The following SLTM variants were observed in gnomAD, a reference collection of about 807,000 sequenced individuals.
SLTM encodes SAFB like transcription modulator, also known as SAFB-like transcription modulator.
A neutral mutation model predicts 134.6 loss-of-function variants in SLTM; 43 were observed. The ratio of observed to expected loss-of-function variants is 0.32; its 90% CI spans 0.25 to 0.41. The LOEUF (loss-of-function observed/expected upper bound fraction) is 0.41. Among genes scored for constraint, SLTM ranks in the 10% least tolerant of loss-of-function variants. The pLI, the probability that SLTM is intolerant of heterozygous loss-of-function variation, is 1.00. For missense variants in SLTM, 1,055 were observed against 1,288.8 expected, an observed-to-expected ratio of 0.82 and a Z score of 2.78; for synonymous variants, 424 against 432.3, an observed-to-expected ratio of 0.98 and a Z score of 0.24.
At chr15:58,886,636 T>G (rs1438620246) in intron 19 of SLTM, among the ~76,000 whole-genome samples, 1 of 152,254 alleles carries the variant, frequency 6.6e-6, no homozygotes. Context: ...AGATGCAGTT[T>G]GAAAGCCTCA....
At chr15:58,880,259 A>G (rs1274844099) in intron 20 of SLTM, 152 bp from the exon 21 acceptor site, 1 of 1,030,336 alleles carries the variant, frequency 9.7e-7, no homozygotes, top group Non-Finnish European at 1.3e-6. Context: ...ACCCCACTTT[A>G]CTGAAGAAAC....
At chr15:58,911,895 G>A (rs968285341) in intron 5 of SLTM, among the ~76,000 whole-genome samples, 9 of 151,984 alleles carry the variant, frequency 5.9e-5, no homozygotes, top group Admixed American at 2.6e-4. Context: ...ATAAAGCTTT[G>A]AAAAGGATAT....
intron 5 of SLTM, among the ~76,000 whole-genome samples, chr15:58,909,766 A>C (rs1261229356): frequency 6.6e-6 from 1 of 152,224 alleles, no homozygotes; most frequent in East Asian, 1.9e-4. Context: ...CAAAAAATAC[A>C]ATAAACAAAG....
At chr15:58,906,154 C>A (rs1319469527) in intron 5 of SLTM, among the ~76,000 whole-genome samples, 6 of 152,168 alleles carry the variant, frequency 3.9e-5, no homozygotes, top group Non-Finnish European at 8.8e-5. Context: ...GGAAACTTTC[C>A]CTGTCTAAAT....
intron 5 of SLTM, among the ~76,000 whole-genome samples, chr15:58,906,586 T>C (rs1266670841): frequency 1.3e-5 from 2 of 152,242 alleles, no homozygotes; most frequent in Admixed American, 6.5e-5. Flanking sequence ...TCTGTACATG[T>C]ATAGGCTAAG....
intron 3 of SLTM, among the ~76,000 whole-genome samples, chr15:58,914,302 T>C (rs1282480080): frequency 6.6e-6 from 1 of 152,226 alleles, no homozygotes; most frequent in Admixed American, 6.5e-5. Context: ...CTGCTTAATT[T>C]CCTGATTAAA....
intron 5 of SLTM, among the ~76,000 whole-genome samples, chr15:58,908,953 A>G (rs568136669): frequency 4.2e-4 from 64 of 152,378 alleles, no homozygotes; most frequent in African/African-American, 1.4e-3. Flanking sequence ...TTGAAGGTCT[A>G]TTTTATCTTA....
chr15:58,903,120 T>G (rs563793533), intron 5 of SLTM, among the ~76,000 whole-genome samples: 1 of 152,048 alleles, frequency 6.6e-6, no homozygotes, highest in Admixed American at 6.5e-5. Flanking sequence ...CAAGACAGTC[T>G]CGATCTCCTG....
At chr15:58,925,607 G>C (rs1406168678) in intron 2 of SLTM, among the ~76,000 whole-genome samples, 6 of 152,194 alleles carry the variant, frequency 3.9e-5, no homozygotes, top group South Asian at 4.2e-4. Flanking sequence ...CAAAGTGCTG[G>C]GTTTACAAGA....
rs536325465 is a variant in SLTM, at chr15:58,919,814, C to T, written c.251-2815G>A. ...AAAAATTTCAGTTGATTTGTCCAAG[C>T]ACCCTATGATGGTACATAGGTCCAT... On this transcript the variant is annotated intron_variant, in intron 2 of 20. Coordinates refer to ENST00000380516, the MANE Select transcript of SLTM (RefSeq NM_024755.4). 6.6e-5 allele frequency among the ~76,000 whole-genome samples: 10 copies of T among 152,208 alleles called. No homozygotes were observed. In the South Asian group the frequency reaches 2.1e-3, roughly 32 times the overall value.
chr15:58,904,385 GACTA>G (rs771869331), intron 5 of SLTM, among the ~76,000 whole-genome samples: 24 of 152,180 alleles, frequency 1.6e-4, no homozygotes, highest in South Asian at 8.3e-4. Flanking sequence ...ATTAGGGAAT[GACTA>G]ACTATTTTAC....
At position 58,880,539 on chromosome 15, in the gene SLTM, C is replaced by A. The variant is rs115613375; in HGVS notation, c.2997-432G>T. ...AGGGTGGGACTCCCAGCAACCTGTG[C>A]TTTTCTTTGTTTGTTCTTTTAAATA... On this transcript the variant is annotated intron_variant, in intron 20 of 20. Coordinates refer to ENST00000380516, the MANE Select transcript of SLTM (RefSeq NM_024755.4). Among the ~76,000 whole-genome samples, 1,380 of 152,086 alleles carry A rather than the reference C, an allele frequency of 9.1e-3. 30 individuals are homozygous for A. Among genetic ancestry groups the A allele is most frequent in the African/African-American group, 0.031 (1,285 of 41,478 alleles).
Position 58,883,321 on chromosome 15 carries a change from C to CA in SLTM, c.2996+304dup, listed in dbSNP as rs1405951624. 1.3e-5 allele frequency among the ~76,000 whole-genome samples: 2 copies of CA among 152,030 alleles called. 1 individual carries two copies. The highest frequency in any genetic ancestry group is 1.3e-4 in the Admixed American group (2 of 15,262). On this transcript the variant is annotated intron_variant, in intron 20 of 20. Coordinates refer to ENST00000380516, the MANE Select transcript of SLTM (RefSeq NM_024755.4). ...CAGAGTGAGACTCCATCTCAAAAAA[C>CA]AAAAAACAAAACAAAACAAAAGAAT...
chr15:58,923,797 AC>A (rs2037265983), intron 2 of SLTM, among the ~76,000 whole-genome samples: 2 of 137,974 alleles, frequency 1.4e-5, no homozygotes, highest in East Asian at 4.4e-4. Context: ...TTGAAGCCAA[AC>A]CTTTTTTTTT....
chr15:58,881,571 A>G lies in SLTM; in HGVS notation c.2997-1464T>C, dbSNP rs79511480. Among the ~76,000 whole-genome samples, 610 of 152,088 alleles carry G rather than the reference A, an allele frequency of 4.0e-3. 7 individuals are homozygous for G. Among genetic ancestry groups the G allele is most frequent in the Non-Finnish European group, 5.0e-3 (339 of 67,986 alleles). ...GAAATGGTTCAGGCAGAATAAAACT[A>G]GATTATAAGGGCCAGGCTGAGGAAT... On this transcript the variant is annotated intron_variant, in intron 20 of 20. Transcript: ENST00000380516.
chr15:58,889,885 T>A, intron 15 of SLTM: 1 of 344,694 alleles, frequency 2.9e-6, no homozygotes, highest in Non-Finnish European at 5.3e-6. Context: ...CTTAAAACCC[T>A]GAGGTGCAAT....
chr15:58,917,366 C>A (rs1238676505), intron 2 of SLTM, among the ~76,000 whole-genome samples: 1 of 152,164 alleles, frequency 6.6e-6, no homozygotes, highest in Non-Finnish European at 1.5e-5. Flanking sequence ...TAGCTAAGTA[C>A]AAGATCTGTA....
chr15:58,908,055 TTTC>T (rs2035996835), intron 5 of SLTM, among the ~76,000 whole-genome samples: 1 of 87,346 alleles, frequency 1.1e-5, no homozygotes, highest in Admixed American at 1.5e-4. Flanking sequence ...ATAATTTCTT[TTTC>T]TTTCTTTTTT....
intron 19 of SLTM, among the ~76,000 whole-genome samples, chr15:58,886,218 AGTGTGTGT>A (rs60261686): frequency 0.031 from 3,846 of 124,418 alleles, 90 homozygotes; most frequent in South Asian, 0.069. Context: ...GAAAAAGAAG[AGTGTGTGT>A]GTGTGTGTGT....
Sources: allele counts gnomAD v4.1 joint callset (sites outside exome capture counted in the v4.1 genomes callset), GRCh38; gene constraint gnomAD v4.1.1; transcripts MANE v1.5; gene names NCBI Gene and HGNC (gene_info 2026-07-23, HGNC 2026-07-21).